Variants in KCNAB1 observed in about 807,000 individuals in gnomAD.
KCNAB1 encodes potassium voltage-gated channel subfamily A regulatory beta subunit 1.
In KCNAB1, 35 loss-of-function variants were observed where a neutral mutation model predicts 64.6. The ratio of observed to expected loss-of-function variants is 0.54; its 90% CI spans 0.41 to 0.72. The LOEUF is 0.72. Ranked by LOEUF, KCNAB1 falls within the 30% of genes least tolerant of loss-of-function variation. KCNAB1 has a pLI of 0.00. For missense variants in KCNAB1, 401 were observed against 512.9 expected (o/e 0.78, Z 2.11); for synonymous variants, 177 against 183.8 (o/e 0.96, Z 0.30).
chr3:156,353,758 C>T (rs571945429), intron 1 of KCNAB1, among the ~76,000 whole-genome samples: 3 of 152,314 alleles, frequency 2.0e-5, no homozygotes, highest in African/African-American at 7.2e-5. Flanking sequence ...GCTGGCTTCC[C>T]GCAGGGTGAG....
At chr3:156,298,869 T>TTCACTTTTTTC (rs1302592236) in intron 1 of KCNAB1, among the ~76,000 whole-genome samples, 5 of 152,346 alleles carry the variant, frequency 3.3e-5, no homozygotes, top group African/African-American at 9.6e-5. Flanking sequence ...TAACCAGTTT[T>TTCACTTTTTTC]TCACTTTTTT....
intron 1 of KCNAB1, among the ~76,000 whole-genome samples, chr3:156,347,440 G>A (rs1268519271): frequency 6.6e-6 from 1 of 152,210 alleles, no homozygotes; most frequent in Non-Finnish European, 1.5e-5. Flanking sequence ...AGACACCTCT[G>A]TCTTTCTCTC....
At chr3:156,491,701 G>T (rs1559913238) in intron 8 of KCNAB1, among the ~76,000 whole-genome samples, 1 of 151,726 alleles carries the variant, frequency 6.6e-6, no homozygotes. Flanking sequence ...AAAAAAATTA[G>T]CCTGTAATTT....
intron 1 of KCNAB1, among the ~76,000 whole-genome samples, chr3:156,165,755 T>C (rs892735702): frequency 2.0e-5 from 3 of 152,258 alleles, no homozygotes; most frequent in African/African-American, 7.2e-5. Flanking sequence ...TGCGGCTTTA[T>C]TCCCTTTTGT....
intron 1 of KCNAB1, among the ~76,000 whole-genome samples, chr3:156,361,535 C>CATGT (rs1469414744): frequency 3.3e-5 from 5 of 152,332 alleles, no homozygotes; most frequent in African/African-American, 1.2e-4. Flanking sequence ...TCCCCACTAT[C>CATGT]ATGTATGCTC....
At chr3:156,349,015 G>T (rs897507490) in intron 1 of KCNAB1, among the ~76,000 whole-genome samples, 12 of 152,272 alleles carry the variant, frequency 7.9e-5, no homozygotes, top group African/African-American at 2.9e-4. Context: ...AAGAAATCAC[G>T]CAAGAAACAT....
At chr3:156,321,617 G>A (rs1722665939) in intron 1 of KCNAB1, among the ~76,000 whole-genome samples, 1 of 152,116 alleles carries the variant, frequency 6.6e-6, no homozygotes, top group African/African-American at 2.4e-5. Context: ...ATTTATGTGG[G>A]TATTTTGGGA....
At chr3:156,192,515 T>C (rs2108362921) in intron 1 of KCNAB1, among the ~76,000 whole-genome samples, 1 of 152,316 alleles carries the variant, frequency 6.6e-6, no homozygotes, top group Admixed American at 6.5e-5. Flanking sequence ...TGGTGGATAG[T>C]GCTGTTCAAG....
At chr3:156,144,976 G>A (rs1370615691) in intron 1 of KCNAB1, among the ~76,000 whole-genome samples, 1 of 152,196 alleles carries the variant, frequency 6.6e-6, no homozygotes, top group African/African-American at 2.4e-5. Flanking sequence ...AAGCAAAGCT[G>A]CCTCAGCTAA....
At chr3:156,443,015 G>T (rs1576872711) in intron 2 of KCNAB1, among the ~76,000 whole-genome samples, 1 of 152,130 alleles carries the variant, frequency 6.6e-6, no homozygotes, top group Non-Finnish European at 1.5e-5. Flanking sequence ...AGCCAGTTTG[G>T]GGGCAGAGAT....
chr3:156,470,669 A>G (rs1713819798), intron 7 of KCNAB1, among the ~76,000 whole-genome samples: 1 of 152,254 alleles, frequency 6.6e-6, no homozygotes, highest in Admixed American at 6.5e-5. Context: ...ATTTTGTTAC[A>G]CAATTCAAAA....
At chr3:156,124,081 G>C (rs953302103) in intron 1 of KCNAB1, among the ~76,000 whole-genome samples, 1 of 151,612 alleles carries the variant, frequency 6.6e-6, no homozygotes, top group Non-Finnish European at 1.5e-5. Flanking sequence ...TATATCTTAT[G>C]ACCATAATAT....
At chr3:156,363,130 T>C (rs1046227178) in intron 1 of KCNAB1, among the ~76,000 whole-genome samples, 1 of 151,532 alleles carries the variant, frequency 6.6e-6, no homozygotes, top group African/African-American at 2.4e-5. Flanking sequence ...CTCAGAAAAA[T>C]AATTAGTTTC....
intron 1 of KCNAB1, among the ~76,000 whole-genome samples, chr3:156,325,996 A>G (rs913397337): frequency 6.6e-6 from 1 of 152,108 alleles, no homozygotes; most frequent in African/African-American, 2.4e-5. Flanking sequence ...TCCAAAGAAA[A>G]TAATCATAGA....
intron 1 of KCNAB1, among the ~76,000 whole-genome samples, chr3:156,363,521 G>T (rs1725745441): frequency 1.3e-5 from 2 of 151,692 alleles, no homozygotes; most frequent in Admixed American, 6.6e-5. Flanking sequence ...TGTTGCCCAG[G>T]CTGGGGTGCA....
At chr3:156,357,849 A>G (rs921346909) in intron 1 of KCNAB1, among the ~76,000 whole-genome samples, 1 of 146,312 alleles carries the variant, frequency 6.8e-6, no homozygotes, top group Non-Finnish European at 1.5e-5. Context: ...TAGTTTTTAT[A>G]CTAAATCTTC....
At chr3:156,478,731 C>T (rs548728693) in intron 8 of KCNAB1, among the ~76,000 whole-genome samples, 16 of 152,254 alleles carry the variant, frequency 1.1e-4, no homozygotes, top group African/African-American at 1.7e-4. Context: ...TAAACCAAGA[C>T]GAGCTTCATC....
chr3:156,306,081 C>T (rs1037287348), intron 1 of KCNAB1, among the ~76,000 whole-genome samples: 3 of 152,108 alleles, frequency 2.0e-5, no homozygotes, highest in Non-Finnish European at 4.4e-5. Flanking sequence ...AGAATATCTG[C>T]GTGGAAGCTA....
chr3:156,208,012 G>A (rs574100826), intron 1 of KCNAB1, among the ~76,000 whole-genome samples: 10 of 152,320 alleles, frequency 6.6e-5, no homozygotes, highest in African/African-American at 2.4e-4. Flanking sequence ...CAGACCAAGA[G>A]TGGTGATTCA....
Sources: allele counts gnomAD v4.1 joint callset (sites outside exome capture counted in the v4.1 genomes callset), GRCh38; gene constraint gnomAD v4.1.1; transcripts MANE v1.5; gene names NCBI Gene and HGNC (gene_info 2026-07-23, HGNC 2026-07-21).